Variants in KAZN observed in about 807,000 individuals in gnomAD.
KAZN encodes the protein kazrin.
KAZN carries 40 observed loss-of-function variants against 87.4 expected under a neutral mutation model. The observed-to-expected ratio is 0.46, with a 90% confidence interval of 0.36 to 0.60. The LOEUF is 0.60. Ranked by LOEUF, KAZN falls within the 20% of genes least tolerant of loss-of-function variation. The probability of loss-of-function intolerance (pLI) is 0.00; values close to 1 mark genes in which losing one functional copy is unlikely to be tolerated. For missense variants in KAZN, 898 were observed against 1,073.9 expected (o/e 0.84, Z 2.29); for synonymous variants, 466 against 458.3 (o/e 1.02, Z -0.22).
intron 1 of KAZN, among the ~76,000 whole-genome samples, chr1:14,802,397 C>G (rs937876958): frequency 2.7e-4 from 27 of 101,072 alleles, no homozygotes; most frequent in Admixed American, 4.4e-4. Flanking sequence ...GAGCAAAACT[C>G]TTGTCTCAAA....
At chr1:14,467,189 G>A (rs775284881) in intron 2 of KAZN, among the ~76,000 whole-genome samples, 2 of 152,034 alleles carry the variant, frequency 1.3e-5, no homozygotes, top group Non-Finnish European at 2.9e-5. Flanking sequence ...AAAGAGGAGG[G>A]AGGGTATTGT....
In KAZN at chr1:14,911,008, A is replaced by G. The variant is rs1301692806; in HGVS notation, c.227-49676A>G. On this transcript the variant is annotated intron_variant, in intron 1 of 14. Transcript: ENST00000376030. ...CATCCCGGAGGCATGGGCAGCTCACACCACTCCTGAGCCCGCACAGTGCAG... is the reference window on the plus strand; with the variant it reads ...CATCCCGGAGGCATGGGCAGCTCACGCCACTCCTGAGCCCGCACAGTGCAG... Among the ~76,000 whole-genome samples, 5 of 152,202 alleles carry G rather than the reference A, an allele frequency of 3.3e-5. No individual in the cohort carries two copies. The South Asian group carries it at 8.3e-4, about 25-fold the overall frequency.
intron 1 of KAZN, among the ~76,000 whole-genome samples, chr1:13,916,007 G>A (rs962997827): frequency 2.0e-5 from 3 of 152,164 alleles, no homozygotes; most frequent in African/African-American, 7.2e-5. Context: ...TGTGGCAGGG[G>A]TTGGGGGCCG....
intron 1 of KAZN, among the ~76,000 whole-genome samples, chr1:14,809,065 A>G (rs1443105441): frequency 2.0e-5 from 3 of 152,178 alleles, no homozygotes; most frequent in Admixed American, 6.5e-5. Flanking sequence ...AGAAATTCCT[A>G]AGCTAATTCA....
intron 1 of KAZN, among the ~76,000 whole-genome samples, chr1:14,037,143 T>C (rs914369178): frequency 2.0e-5 from 3 of 152,224 alleles, no homozygotes; most frequent in Non-Finnish European, 4.4e-5. Flanking sequence ...GATTATTTTA[T>C]AGCCCACTTT....
chr1:14,244,147 C>T (rs146925645), intron 2 of KAZN, among the ~76,000 whole-genome samples: 1 of 152,280 alleles, frequency 6.6e-6, no homozygotes, highest in East Asian at 1.9e-4. Context: ...TGAGATATAC[C>T]CTCTTTTCAG....
exon 1 of KAZN, chr1:13,893,524 C>A: frequency 7.3e-7 from 1 of 1,374,702 alleles, no homozygotes; most frequent in South Asian, 1.5e-5. Context: ...ACACTATAAA[C>A]TTTGGGGGCG....
intron 1 of KAZN, among the ~76,000 whole-genome samples, chr1:14,931,708 G>T (rs1659844257): frequency 6.6e-6 from 1 of 152,046 alleles, no homozygotes; most frequent in East Asian, 1.9e-4. Flanking sequence ...TGCTTTCCTG[G>T]GATTGGGTTA....
chr1:14,570,046 G>A (rs141773408), intron 2 of KAZN, among the ~76,000 whole-genome samples: 33 of 152,294 alleles, frequency 2.2e-4, no homozygotes, highest in Middle Eastern at 3.4e-3. Flanking sequence ...CCAGGAGGTA[G>A]AGGTTGCAGT....
At chr1:14,339,948 G>T (rs820619) in intron 2 of KAZN, among the ~76,000 whole-genome samples, 60,338 of 151,980 alleles carry the variant, frequency 0.4, 13,302 homozygotes, top group African/African-American at 0.59. Flanking sequence ...GCTACCTATC[G>T]TCTTACCCTG....
At chr1:15,060,597 G>C (rs1638711506) in intron 6 of KAZN, 3 of 407,332 alleles carry the variant, frequency 7.4e-6, no homozygotes, top group Non-Finnish European at 1.4e-5. Context: ...CCCTGTCTGG[G>C]ACCGTGGGCT....
intron 2 of KAZN, among the ~76,000 whole-genome samples, chr1:14,418,525 G>A (rs1008844058): frequency 2.6e-5 from 4 of 152,240 alleles, no homozygotes; most frequent in Admixed American, 6.5e-5. Flanking sequence ...CTTGGTGCAA[G>A]GAAAAGAATA....
At chr1:14,144,947 T>C (rs538915418) in intron 1 of KAZN, among the ~76,000 whole-genome samples, 6 of 152,262 alleles carry the variant, frequency 3.9e-5, no homozygotes, top group Non-Finnish European at 7.4e-5. Context: ...ACCTCCAACA[T>C]TGCCACATTG....
At chr1:15,093,453 C>T (rs1640647804) in intron 8 of KAZN, among the ~76,000 whole-genome samples, 1 of 151,544 alleles carries the variant, frequency 6.6e-6, no homozygotes, top group African/African-American at 2.4e-5. Context: ...TTGAGGCCTC[C>T]AGATTTAAAG....
At chr1:14,714,498 G>A (rs78194495) in intron 1 of KAZN, among the ~76,000 whole-genome samples, 5,628 of 152,234 alleles carry the variant, frequency 0.037, 129 homozygotes, top group Middle Eastern at 0.088. Context: ...TAATTAAGGC[G>A]GAAGTCCACG....
chr1:14,082,752 C>G (rs1189805309), intron 1 of KAZN, among the ~76,000 whole-genome samples: 1 of 152,144 alleles, frequency 6.6e-6, no homozygotes, highest in Non-Finnish European at 1.5e-5. Context: ...GGATCAGGAG[C>G]CTTTCTTTGT....
intron 2 of KAZN, among the ~76,000 whole-genome samples, chr1:14,530,399 C>G (rs900877386): frequency 1.3e-5 from 2 of 152,194 alleles, no homozygotes; most frequent in South Asian, 2.1e-4. Context: ...TTGAAGAAAG[C>G]TACATTTTCT....
intron 1 of KAZN, among the ~76,000 whole-genome samples, chr1:13,979,806 C>G (rs963545393): frequency 6.6e-6 from 1 of 151,958 alleles, no homozygotes; most frequent in Non-Finnish European, 1.5e-5. Flanking sequence ...TGGCAGGTGC[C>G]TGTAGTCCCA....
intron 2 of KAZN, among the ~76,000 whole-genome samples, chr1:14,476,588 A>C (rs973269672): frequency 6.6e-6 from 1 of 152,222 alleles, no homozygotes; most frequent in Admixed American, 6.5e-5. Flanking sequence ...ATATAATAAC[A>C]ATTACTGATA....
Sources: allele counts gnomAD v4.1 joint callset (sites outside exome capture counted in the v4.1 genomes callset), GRCh38; gene constraint gnomAD v4.1.1; transcripts MANE v1.5; gene names NCBI Gene and HGNC (gene_info 2026-07-23, HGNC 2026-07-21).